The following RBFOX1 variants were observed in gnomAD, a reference collection of about 807,000 sequenced individuals.
The protein encoded by RBFOX1 is RNA binding protein fox-1 homolog 1.
A neutral mutation model predicts 57.7 loss-of-function variants in RBFOX1; 8 were observed. The observed-to-expected ratio is 0.14, with a 90% CI of 0.08 to 0.25. The LOEUF (loss-of-function observed/expected upper bound fraction) is 0.25. RBFOX1 is among the 10% of genes least tolerant of loss of function. The pLI, the probability that RBFOX1 is intolerant of heterozygous loss-of-function variation, is 1.00. For synonymous variants in RBFOX1, 326 were observed against 222.4 expected (o/e 1.47, Z -4.15); for missense variants, 611 against 548.5 (o/e 1.11, Z -1.14).
intron 4 of RBFOX1, among the ~76,000 whole-genome samples, chr16:7,233,728 A>G (rs2093628679): frequency 6.6e-6 from 1 of 152,200 alleles, no homozygotes; most frequent in Non-Finnish European, 1.5e-5. Context: ...TTTATGGTAT[A>G]TGTGTCAGAG....
chr16:6,938,144 T>A (rs1451579631), intron 3 of RBFOX1, among the ~76,000 whole-genome samples: 1 of 152,156 alleles, frequency 6.6e-6, no homozygotes, highest in Admixed American at 6.6e-5. Context: ...TTTGAACTAT[T>A]CAAGTTCATT....
chr16:7,320,076 T>A (rs1378982359), intron 4 of RBFOX1, among the ~76,000 whole-genome samples: 4 of 152,170 alleles, frequency 2.6e-5, no homozygotes, highest in African/African-American at 7.2e-5. Flanking sequence ...CTTAAAAAAA[T>A]TAATTTTATT....
chr16:6,668,223 C>A (rs748920971), intron 3 of RBFOX1, among the ~76,000 whole-genome samples: 5 of 152,098 alleles, frequency 3.3e-5, no homozygotes, highest in African/African-American at 1.2e-4. Context: ...TTGATTGTGG[C>A]GGCACAGAAC....
chr16:7,069,347 C>T (rs2056840563), intron 4 of RBFOX1, among the ~76,000 whole-genome samples: 1 of 152,164 alleles, frequency 6.6e-6, no homozygotes, highest in African/African-American at 2.4e-5. Flanking sequence ...AATGCTCTCC[C>T]TCCCATCAGT....
intron 4 of RBFOX1, among the ~76,000 whole-genome samples, chr16:7,152,368 C>G (rs1270937191): frequency 6.6e-6 from 1 of 152,190 alleles, no homozygotes; most frequent in Non-Finnish European, 1.5e-5. Flanking sequence ...ATTTACTACT[C>G]CATGGTTGCA....
intron 4 of RBFOX1, among the ~76,000 whole-genome samples, chr16:7,242,192 G>C (rs9927287): frequency 0.089 from 13,583 of 152,166 alleles, 1,053 homozygotes; most frequent in African/African-American, 0.21. Context: ...CTTACTGTAA[G>C]AGACATGGAA....
intron 1 of RBFOX1, among the ~76,000 whole-genome samples, chr16:6,101,356 C>G (rs2096305515): frequency 6.6e-6 from 1 of 152,194 alleles, no homozygotes; most frequent in Admixed American, 6.5e-5. Flanking sequence ...ACACGATGTC[C>G]TCATACTGAA....
chr16:6,855,322 A>C (rs1281758039), intron 3 of RBFOX1, among the ~76,000 whole-genome samples: 3 of 152,086 alleles, frequency 2.0e-5, no homozygotes, highest in Non-Finnish European at 4.4e-5. Context: ...AAAAGCAAGC[A>C]AAATTTTCAG....
At chr16:7,632,686 A>ATTAT (rs746287747) in intron 11 of RBFOX1, among the ~76,000 whole-genome samples, 143 of 152,276 alleles carry the variant, frequency 9.4e-4, no homozygotes, top group Middle Eastern at 3.4e-3. Context: ...GTCCTAGAGT[A>ATTAT]TTATTTTTTT....
At chr16:6,783,557 C>A (rs1003613259) in intron 3 of RBFOX1, among the ~76,000 whole-genome samples, 1 of 151,988 alleles carries the variant, frequency 6.6e-6, no homozygotes, top group Non-Finnish European at 1.5e-5. Flanking sequence ...ATCTCCATCT[C>A]CTGCAGTCTG....
intron 1 of RBFOX1, among the ~76,000 whole-genome samples, chr16:5,395,861 C>A (rs1444452559): frequency 6.6e-6 from 1 of 152,220 alleles, no homozygotes; most frequent in Non-Finnish European, 1.5e-5. Flanking sequence ...CCTCTAGGGG[C>A]TGGAGGTGGT....
Position 5,788,202 on chromosome 16 carries a change from G to A in RBFOX1, c.319-79101G>A, listed in dbSNP as rs146610148. Among the ~76,000 whole-genome samples the A allele has an allele frequency of 4.6e-3, 707 of 152,222 alleles. 7 individuals carry two copies. Among genetic ancestry groups the A allele is most frequent in the African/African-American group, 0.015 (616 of 41,532 alleles). On this transcript the variant is annotated intron_variant, in intron 3 of 19. Transcript: ENST00000641259. ...GCATCCTGAATATCTGCTGTTGGCC[G>A]GTAGTTTATTTACCCTGGATGGAGA... is the stretch of plus-strand genomic sequence containing the variant.
intron 1 of RBFOX1, among the ~76,000 whole-genome samples, chr16:6,219,807 C>T (rs1389711910): frequency 6.6e-6 from 1 of 151,942 alleles, no homozygotes; most frequent in Non-Finnish European, 1.5e-5. Flanking sequence ...ACCCAGAAGG[C>T]GGAGGTTGCA....
At chr16:6,563,868 A>G (rs1295360185) in intron 2 of RBFOX1, among the ~76,000 whole-genome samples, 3 of 151,124 alleles carry the variant, frequency 2.0e-5, no homozygotes, top group Admixed American at 6.6e-5. Context: ...GTGTGTATGT[A>G]TGTATATGTA....
At chr16:5,492,723 C>T (rs981814925) in intron 2 of RBFOX1, among the ~76,000 whole-genome samples, 11 of 152,220 alleles carry the variant, frequency 7.2e-5, no homozygotes, top group Non-Finnish European at 1.6e-4. Flanking sequence ...CAAGATCCGT[C>T]AGTGCCCCCA....
chr16:5,420,791 C>T (rs1222632073), intron 1 of RBFOX1, among the ~76,000 whole-genome samples: 1 of 152,054 alleles, frequency 6.6e-6, no homozygotes, highest in Non-Finnish European at 1.5e-5. Context: ...CTGCCTCAGC[C>T]TCCCAAAGTC....
intron 1 of RBFOX1, among the ~76,000 whole-genome samples, chr16:6,216,524 C>A (rs11077014): frequency 6.6e-6 from 1 of 151,938 alleles, no homozygotes; most frequent in Non-Finnish European, 1.5e-5. Context: ...TTTTGTTGTC[C>A]TGAGTAGCCT....
At chr16:5,965,714 A>G (rs2059829737) in intron 4 of RBFOX1, among the ~76,000 whole-genome samples, 1 of 151,970 alleles carries the variant, frequency 6.6e-6, no homozygotes, top group Non-Finnish European at 1.5e-5. Flanking sequence ...ACTTAAGCAG[A>G]CTCTAATTTT....
At chr16:6,928,852 C>G (rs138454091) in intron 3 of RBFOX1, among the ~76,000 whole-genome samples, 75 of 152,250 alleles carry the variant, frequency 4.9e-4, no homozygotes, top group African/African-American at 1.5e-3. Context: ...CCAGTTAAAA[C>G]CACCACCACC....
Sources: gnomAD v4.1 joint callset for allele counts (sites outside exome capture counted in the v4.1 genomes callset) on GRCh38, gnomAD v4.1.1 for gene constraint, MANE v1.5 for transcripts, NCBI Gene and HGNC (gene_info 2026-07-23, HGNC 2026-07-21) for gene names.